The following STAB1 variants were observed in gnomAD, a reference collection of about 807,000 sequenced individuals.
STAB1 encodes the protein stabilin-1.
In STAB1, 250 loss-of-function variants were observed where a neutral mutation model predicts 332.4. The observed-to-expected ratio is 0.75, with a 90% CI of 0.68 to 0.84. The LOEUF (loss-of-function observed/expected upper bound fraction) is 0.84. Ranked by LOEUF, STAB1 falls within the 40% of genes least tolerant of loss-of-function variation. The pLI is 0.00. For missense variants in STAB1, 3,249 were observed against 3,489.7 expected, an observed-to-expected ratio of 0.93 and a Z score of 1.74; for synonymous variants, 1,475 against 1,390.4, an observed-to-expected ratio of 1.06 and a Z score of -1.35.
chr3:52,519,464 C>G (rs758851121), intron 49 of STAB1, 41 bp from the exon 50 acceptor site: 11 of 1,612,680 alleles, frequency 6.8e-6, no homozygotes, highest in Non-Finnish European at 9.3e-6. Flanking sequence ...GGGATCCTCC[C>G]TTCCCGCCTG....
At position 52,503,040 on chromosome 3, in the gene STAB1, C is replaced by A. The variant is rs1460448238; in HGVS notation, c.625C>A (p.Gln209Lys). The change falls in exon 7 of 69, where the codon CAG becomes AAG. Residue 209 changes from glutamine (Q) to lysine (K), a missense_variant. By Grantham distance (53) the Gln-to-Lys change is moderately conservative. Coordinates refer to ENST00000321725, the MANE Select transcript of STAB1 (RefSeq NM_015136.3). ...GGAGCTGCGCTGTCCCCAGAACACC[C>A]AGTGCTCCGCAGAGGCTCCCAGCTG... ...CQELRCPQNTQCSAEAPSCRC... is the reference protein window; with the variant it reads ...CQELRCPQNTKCSAEAPSCRC... 1.9e-6 allele frequency: 3 copies of A among 1,602,940 alleles called. No individual in the cohort carries two copies. The Admixed American group carries it at 5.1e-5, about 27-fold the overall frequency.
In STAB1 at chr3:52,499,335, T is replaced by G. The variant is rs557364647; in HGVS notation, c.79-1831T>G. On this transcript the variant is annotated intron_variant, in intron 1 of 68. Coordinates refer to ENST00000321725, the MANE Select transcript of STAB1 (RefSeq NM_015136.3). ...ACTTCCAGGAGCTATGGCAGGCCAG[T>G]GAATGGGACTCCAGGCCTGGGGCTT... is the stretch of plus-strand genomic sequence containing the variant. Among the ~76,000 whole-genome samples, 16 of 152,364 alleles carry G rather than the reference T, an allele frequency of 1.1e-4. No individual in the cohort carries two copies. The South Asian group carries it at 3.1e-3, about 30-fold the overall frequency.
chr3:52,511,033 G>A (rs924993331), intron 25 of STAB1, among the ~76,000 whole-genome samples: 30 of 152,254 alleles, frequency 2.0e-4, no homozygotes, highest in Non-Finnish European at 1.6e-4. Flanking sequence ...CAACTCCAAG[G>A]TGGCCTCTGG....
Position 52,520,272 on chromosome 3 carries a change from C to T in STAB1, c.5481C>T (p.Ser1827=), listed in dbSNP as rs2079029398. ...RTMHGTPISF[S]CSRTRAGELM... is the part of the protein sequence containing the mutation. Reference sequence around the variant, plus strand: ...TGCATGGGACCCCCATCTCTTTCTCCTGCAGCCGAACGCGGGCCGTGAGTC... The same window carrying T: ...TGCATGGGACCCCCATCTCTTTCTCTTGCAGCCGAACGCGGGCCGTGAGTC... The change falls in exon 52 of 69, where the codon TCC becomes TCT. Residue 1827 remains serine, a synonymous_variant. Transcript: ENST00000321725. 6.2e-7 allele frequency: 1 copy of T among 1,613,012 alleles called. No homozygotes were observed. Among genetic ancestry groups the T allele is most frequent in the African/African-American group, 1.3e-5 (1 of 74,952 alleles).
In STAB1 at chr3:52,522,361, A is replaced by G. The variant is rs778515664; in HGVS notation, c.6497A>G (p.Tyr2166Cys). The G allele has an allele frequency of 6.2e-7, 1 of 1,612,894 alleles. No individual in the cohort carries two copies. The highest frequency in any genetic ancestry group is 8.5e-7 in the Non-Finnish European group (1 of 1,180,030). ...CGGCGCTGTGAGTGCCACGCAGGCTACGTAGGCGATGGACTGCAGTGTCTG... is the reference window on the plus strand; with the variant it reads ...CGGCGCTGTGAGTGCCACGCAGGCTGCGTAGGCGATGGACTGCAGTGTCTG... ...NTRRCECHAG[Y>C]VGDGLQCLEE... Residue 2166 changes from tyrosine (Y) to cysteine (C), a missense_variant, in exon 60 of 69, where the codon TAC becomes TGC. Physicochemically the swap from Tyr to Cys is radical, Grantham distance 194. Transcript: ENST00000321725.
At chr3:52,501,862 A>G in intron 3 of STAB1, 109 bp downstream of exon 3, 1 of 1,354,948 alleles carries the variant, frequency 7.4e-7, no homozygotes, top group East Asian at 2.5e-5. Flanking sequence ...TGTTTAATTA[A>G]TACTCACCGA....
At chr3:52,509,583 G>A in intron 22 of STAB1, 1 of 592,026 alleles carries the variant, frequency 1.7e-6, no homozygotes, top group Non-Finnish European at 3.0e-6. Flanking sequence ...AGGCCAGGAA[G>A]GGAACTGTGG....
chr3:52,515,727 G>A (rs1270291174), intron 37 of STAB1, among the ~76,000 whole-genome samples: 1 of 152,138 alleles, frequency 6.6e-6, no homozygotes, highest in Non-Finnish European at 1.5e-5. Flanking sequence ...TGGAGACGGT[G>A]AGAGGAAGAA....
At position 52,517,090 on chromosome 3, in the gene STAB1, C is replaced by A. The variant is rs751236028; in HGVS notation, c.4470C>A (p.Gly1490=). The A allele has an allele frequency of 1.9e-6, 3 of 1,566,628 alleles. No individual in the cohort carries two copies. The highest frequency in any genetic ancestry group is 2.6e-6 in the Non-Finnish European group (3 of 1,155,898). Residue 1490 remains glycine, a synonymous_variant, in exon 42 of 69, where the codon GGC becomes GGA. Coordinates refer to ENST00000321725, the MANE Select transcript of STAB1 (RefSeq NM_015136.3). The stretch of plus-strand genomic sequence containing the variant: ...GCACCTGCCAGGATGGCTACATGGG[C>A]GACGGGGAGCTGTGCCAGGGTGAGA... ...RTCTCQDGYM[G]DGELCQEINS...
rs1305286472 is a variant in STAB1 at position 52,524,032 on chromosome 3, G to A, written c.7542+15G>A. 6.2e-7 allele frequency: 1 copy of A among 1,612,124 alleles called. No individual in the cohort carries two copies. The highest frequency in any genetic ancestry group is 8.5e-7 in the Non-Finnish European group (1 of 1,179,542). ...CTGCCTTCCAGGTAGGGCTGGGTTG[G>A]GGCTGCCATGGCGGGTCCTTGGATC... On this transcript the variant is annotated intron_variant, in intron 67 of 68. Transcript: ENST00000321725.
In STAB1 at chr3:52,502,155, C is replaced by G; in HGVS notation, c.418-4C>G. The G allele has an allele frequency of 6.2e-7, 1 of 1,613,522 alleles. No individual in the cohort carries two copies. The highest frequency in any genetic ancestry group is 8.5e-7 in the Non-Finnish European group (1 of 1,179,998). On this transcript the variant is annotated splice_region_variant and splice_polypyrimidine_tract_variant and intron_variant, in intron 4 of 68. Coordinates refer to ENST00000321725, the MANE Select transcript of STAB1 (RefSeq NM_015136.3). ...CCACGCTGACTTGGTGCATCCACCA[C>G]CAGGAAAACTTCCGCGGCTCAGCCT...
chr3:52,521,823 G>C, intron 57 of STAB1, 21 bp from the exon 58 acceptor site: 2 of 1,593,488 alleles, frequency 1.3e-6, no homozygotes, highest in Non-Finnish European at 1.7e-6. Context: ...CTGGTTCTGG[G>C]GGCTGGGCCC....
At position 52,504,012 on chromosome 3, in the gene STAB1, C is replaced by A; in HGVS notation, c.1023-16C>A. 1 of 1,607,910 alleles carries A rather than the reference C, an allele frequency of 6.2e-7. No homozygotes were observed. The highest frequency in any genetic ancestry group is 8.5e-7 in the Non-Finnish European group (1 of 1,177,592). ...GCCTCAGCCTCCGCCCTGACTGGCT[C>A]TCCCTGGGAGCCCAGCTGTGTGTGC... On this transcript the variant is annotated splice_polypyrimidine_tract_variant and intron_variant, in intron 9 of 68. Transcript: ENST00000321725.
intron 48 of STAB1, 94 bp downstream of exon 48, chr3:52,518,963 C>T (rs1018193349): frequency 1.5e-6 from 2 of 1,315,148 alleles, no homozygotes; most frequent in Non-Finnish European, 2.0e-6. Flanking sequence ...CAGTCAAGAA[C>T]CCCACCTCCC....
chr3:52,498,622 CAG>C (rs1708216054), intron 1 of STAB1, among the ~76,000 whole-genome samples: 1 of 152,276 alleles, frequency 6.6e-6, no homozygotes, highest in Non-Finnish European at 1.5e-5. Context: ...CTGACTGTCT[CAG>C]AGTGCGACCA....
chr3:52,519,286 T>TCG lies in STAB1; in HGVS notation c.5064_5065dup (p.Val1689AlafsTer3), dbSNP rs755606169. On this transcript the variant is annotated frameshift_variant, in exon 49 of 69. Coordinates refer to ENST00000321725, the MANE Select transcript of STAB1 (RefSeq NM_015136.3). LOFTEE classifies it high-confidence loss of function. ...CAGGGCAGCATATACCTCAATGACT[T>TCG]CGCGCGCGTGGTGAGCAGCGACCAT... The TCG allele has an allele frequency of 2.5e-6, 4 of 1,612,896 alleles. No homozygotes were observed. The highest frequency in any genetic ancestry group is 3.4e-6 in the Non-Finnish European group (4 of 1,179,958).
In STAB1 at chr3:52,515,471, C is replaced by T. The variant is rs778257799; in HGVS notation, c.3913C>T (p.Arg1305Trp). The stretch of plus-strand genomic sequence containing the variant: ...CTACCGATCTGGCTTCTCCTTCTCC[C>T]GGGGCTGCTCTTACACATGTGCCAA... ...CVYRSGFSFS[R>W]GCSYTCAKKI... The change falls in exon 37 of 69, where the codon CGG (arginine) becomes TGG (tryptophan). Residue 1305 changes from arginine to tryptophan, a missense_variant. Physicochemically the swap from Arg to Trp is moderately radical, Grantham distance 101. Coordinates refer to ENST00000321725, the MANE Select transcript of STAB1 (RefSeq NM_015136.3). 72 of 1,613,408 alleles carry T rather than the reference C, an allele frequency of 4.5e-5. No homozygotes were observed. Among genetic ancestry groups the T allele is most frequent in the Non-Finnish European group, 5.7e-5 (67 of 1,180,024 alleles).
chr3:52,520,250 A>G lies in STAB1; in HGVS notation c.5459A>G (p.His1820Arg), dbSNP rs747863444. Residue 1820 changes from histidine (H) to arginine (R), a missense_variant, in exon 52 of 69, where the codon CAT (histidine) becomes CGT (arginine). Transcript: ENST00000321725. The part of the protein sequence containing the change: ...LPNLGPLRTM[H>R]GTPISFSCSR... Reference sequence around the variant, plus strand: ...AACCTGGGCCCACTTCGAACCATGCATGGGACCCCCATCTCTTTCTCCTGC... The same window carrying G: ...AACCTGGGCCCACTTCGAACCATGCGTGGGACCCCCATCTCTTTCTCCTGC... 9 of 1,613,144 alleles carry G rather than the reference A, an allele frequency of 5.6e-6. No individual in the cohort carries two copies. The South Asian group carries it at 8.8e-5, about 16-fold the overall frequency.
At chr3:52,510,815 C>A (rs1291943093) in intron 25 of STAB1, among the ~76,000 whole-genome samples, 1 of 152,250 alleles carries the variant, frequency 6.6e-6, no homozygotes, top group Non-Finnish European at 1.5e-5. Context: ...ACTTTAGCCT[C>A]ATGGAAATCC....
Sources: allele counts gnomAD v4.1 joint callset (sites outside exome capture counted in the v4.1 genomes callset), GRCh38; gene constraint gnomAD v4.1.1; transcripts MANE v1.5; gene names NCBI Gene and HGNC (gene_info 2026-07-23, HGNC 2026-07-21).